Variants in IGSF5 observed in about 807,000 individuals in gnomAD.
The protein encoded by IGSF5 is immunoglobulin superfamily member 5.
Under a neutral mutation model 39.4 loss-of-function variants are expected in IGSF5, and 41 were observed. The observed-to-expected ratio is 1.04, with a 90% confidence interval of 0.81 to 1.35. IGSF5 has a LOEUF of 1.35. Among genes scored for constraint, IGSF5 ranks in the 40% most tolerant of loss-of-function variants. The probability of loss-of-function intolerance (pLI) is 0.00; values close to 1 mark genes in which losing one functional copy is unlikely to be tolerated. For synonymous variants in IGSF5, 183 were observed against 175.3 expected (o/e 1.04, Z -0.34); for missense variants, 487 against 494.6 (o/e 0.98, Z 0.15).
At position 39,779,097 on chromosome 21, in the gene IGSF5, A is replaced by AGGT; in HGVS notation, c.730_732dup (p.Gly244dup). 6.2e-7 allele frequency: 1 copy of AGGT among 1,611,820 alleles called. No individual in the cohort carries two copies. Among genetic ancestry groups the AGGT allele is most frequent in the Non-Finnish European group, 8.5e-7 (1 of 1,177,942 alleles). The stretch of plus-strand genomic sequence containing the variant: ...TATTTTTTTCTTCTTTAGACACTGG[A>AGGT]GGTGGTATTAATATTCCAGGTGTAT... On this transcript the variant is annotated inframe_insertion, in exon 5 of 9. Coordinates refer to ENST00000380588, the MANE Select transcript of IGSF5 (RefSeq NM_001080444.2).
At chr21:39,779,386 C>G in intron 5 of IGSF5, 81 bp downstream of exon 5, 1 of 1,517,490 alleles carries the variant, frequency 6.6e-7, no homozygotes, top group Non-Finnish European at 8.9e-7. Flanking sequence ...CTCATCAGCT[C>G]TTTCAAAAGA....
chr21:39,736,218 C>A, the IGSF5 span, among the ~76,000 whole-genome samples: 1 of 152,302 alleles, frequency 6.6e-6, no homozygotes, highest in African/African-American at 2.4e-5. Flanking sequence ...ATCTGCCCCT[C>A]ACCTGAGTAC....
intron 2 of IGSF5, among the ~76,000 whole-genome samples, chr21:39,751,880 T>G (rs2080007461): frequency 6.6e-6 from 1 of 152,156 alleles, no homozygotes; most frequent in Non-Finnish European, 1.5e-5. Flanking sequence ...CGACCCTGAA[T>G]GCAAGATGCT....
upstream of IGSF5, among the ~76,000 whole-genome samples, chr21:39,741,307 A>G (rs2079947932): frequency 6.6e-6 from 1 of 152,156 alleles, no homozygotes; most frequent in South Asian, 2.1e-4. Flanking sequence ...CTGGGAATCC[A>G]TATTCGGCAG....
chr21:39,749,513 G>T (rs116556935), intron 2 of IGSF5, among the ~76,000 whole-genome samples: 1 of 152,076 alleles, frequency 6.6e-6, no homozygotes, highest in East Asian at 1.9e-4. Flanking sequence ...GTGCCCAGCC[G>T]GTCTCAATCA....
chr21:39,797,540 A>G (rs1035819595), intron 8 of IGSF5, among the ~76,000 whole-genome samples: 1 of 151,848 alleles, frequency 6.6e-6, no homozygotes, highest in Non-Finnish European at 1.5e-5. Context: ...TTTTTGAGAC[A>G]TGGTCTTGCT....
At chr21:39,756,085 G>A (rs998435324) in intron 2 of IGSF5, among the ~76,000 whole-genome samples, 8 of 135,338 alleles carry the variant, frequency 5.9e-5, no homozygotes, top group South Asian at 2.6e-4. Context: ...AGCGGGACTC[G>A]GTCTCAAACA....
intron 5 of IGSF5, among the ~76,000 whole-genome samples, chr21:39,781,108 TC>T (rs1411637024): frequency 1.3e-5 from 2 of 152,320 alleles, no homozygotes; most frequent in East Asian, 3.9e-4. Context: ...AAAGGTCTAG[TC>T]TTAGTTCCTC....
the IGSF5 span, among the ~76,000 whole-genome samples, chr21:39,738,904 T>G: frequency 1.8e-4 from 27 of 152,018 alleles, no homozygotes; most frequent in African/African-American, 6.3e-4. This position sits in a 1 kb window ranked among gnomAD's most constrained non-coding sequence, Gnocchi z 6.4. Context: ...TTTTTTTGTT[T>G]TGAGACAGGA....
At chr21:39,738,863 T>C in the IGSF5 span, among the ~76,000 whole-genome samples, 1 of 151,752 alleles carries the variant, frequency 6.6e-6, no homozygotes, top group Non-Finnish European at 1.5e-5. This position sits in a 1 kb window ranked among gnomAD's most constrained non-coding sequence, Gnocchi z 6.4. Context: ...TATGCCCTCC[T>C]CTCTGGCAGA....
At chr21:39,788,655 T>G (rs1210878601) in intron 6 of IGSF5, among the ~76,000 whole-genome samples, 2 of 152,226 alleles carry the variant, frequency 1.3e-5, no homozygotes, top group Non-Finnish European at 2.9e-5. Flanking sequence ...CGGTGCTCAT[T>G]CAGCCGTGGG....
intron 2 of IGSF5, among the ~76,000 whole-genome samples, chr21:39,762,447 A>C (rs558418559): frequency 5.1e-4 from 78 of 152,288 alleles, no homozygotes; most frequent in Non-Finnish European, 9.1e-4. Context: ...ACCTGGAAAC[A>C]ATAGTGGGGA....
chr21:39,743,068 T>A (rs1305347494), upstream of IGSF5, among the ~76,000 whole-genome samples: 1 of 152,180 alleles, frequency 6.6e-6, no homozygotes, highest in Non-Finnish European at 1.5e-5. Context: ...ATAGTGTACA[T>A]CATTGAATAA....
the IGSF5 span, among the ~76,000 whole-genome samples, chr21:39,720,559 G>GC: frequency 6.6e-6 from 1 of 152,156 alleles, no homozygotes; most frequent in African/African-American, 2.4e-5. Flanking sequence ...GACCAGTACT[G>GC]CTCATAACTG....
At chr21:39,738,687 G>C in the IGSF5 span, among the ~76,000 whole-genome samples, 1 of 151,910 alleles carries the variant, frequency 6.6e-6, no homozygotes, top group Non-Finnish European at 1.5e-5. The surrounding 1 kb of genome is among the most constrained non-coding windows in gnomAD (Gnocchi z 6.4). Context: ...TTCTAGGGGT[G>C]GACACTGGGC....
chr21:39,713,540 G>T, the IGSF5 span, among the ~76,000 whole-genome samples: 6 of 152,140 alleles, frequency 3.9e-5, no homozygotes, highest in Admixed American at 6.5e-5. Context: ...TCCCACTAGG[G>T]CCTGCCGGGC....
chr21:39,742,777 T>G (rs796361385), upstream of IGSF5, among the ~76,000 whole-genome samples: 4 of 133,336 alleles, frequency 3.0e-5, no homozygotes, highest in South Asian at 1.2e-3. Flanking sequence ...ACTAAAGTGA[T>G]GGCCTTTTTT....
At chr21:39,788,469 G>A (rs1197292491) in intron 6 of IGSF5, among the ~76,000 whole-genome samples, 1 of 152,236 alleles carries the variant, frequency 6.6e-6, no homozygotes, top group Non-Finnish European at 1.5e-5. Context: ...GGCATTTGCA[G>A]CTCTTTCCAC....
rs2087032959 is a variant in IGSF5, at chr21:39,802,004, C to A, written c.*647C>A. The A allele has an allele frequency of 6.6e-6, 1 of 152,164 alleles. No homozygotes were observed. Among genetic ancestry groups the A allele is most frequent in the African/African-American group, 2.4e-5 (1 of 41,428 alleles). The allele number at this position is 152,164 out of a possible 1,614,324, so 9.4% of individuals were successfully genotyped here. A position where few individuals can be genotyped will look rare whatever the true frequency, so the allele number is the denominator to read the frequency against. On this transcript the variant is annotated 3_prime_UTR_variant, in exon 9 of 9. Coordinates refer to ENST00000380588, the MANE Select transcript of IGSF5 (RefSeq NM_001080444.2). ...TGGCCTATGCTTTGCAGAGGATGGA[C>A]CTCACCTACTCCGCACACCGTGAAA...
Sources: gnomAD v4.1 joint callset for allele counts (sites outside exome capture counted in the v4.1 genomes callset) on GRCh38, gnomAD v4.1.1 for gene constraint, Gnocchi (gnomAD v3.1) non-coding constraint, MANE v1.5 for transcripts, NCBI Gene and HGNC (gene_info 2026-07-23, HGNC 2026-07-21) for gene names.